The following BCAS3 variants were observed in gnomAD, a reference collection of about 807,000 sequenced individuals.
BCAS3 encodes BCAS3 microtubule associated cell migration factor.
BCAS3 carries 53 observed loss-of-function variants against 116.1 expected under a neutral mutation model. The observed-to-expected ratio is 0.46, with a 90% CI of 0.37 to 0.57. BCAS3 has a LOEUF of 0.57. BCAS3 is among the 20% of genes least tolerant of loss of function. The pLI is 0.00. For missense variants in BCAS3, 917 were observed against 1,165.4 expected (o/e 0.79, Z 3.10); for synonymous variants, 391 against 408.2 (o/e 0.96, Z 0.51).
chr17:61,058,249 T>A (rs1224124899), intron 19 of BCAS3, among the ~76,000 whole-genome samples: 1 of 152,244 alleles, frequency 6.6e-6, no homozygotes, highest in Non-Finnish European at 1.5e-5. Flanking sequence ...TGTCATAGGA[T>A]AGGAGACTTT....
rs2060086296 is a variant in BCAS3 at position 61,390,656 on chromosome 17, G to T, written c.2594-1321G>T. ...GAGTCGGGGTCAGTGGTTCGTTGCT[G>T]GCTGGCTGGTGTTGGCCAGCCCAGG... On this transcript the variant is annotated intron_variant, in intron 23 of 23. Transcript: ENST00000407086. The surrounding 1 kb of genome is among the most constrained non-coding windows in gnomAD (Gnocchi z 6.8). The T allele has an allele frequency of 1.3e-5, 2 of 152,314 alleles. No homozygotes were observed. The highest frequency in any genetic ancestry group is 2.9e-5 in the Non-Finnish European group (2 of 68,128). 9.4% of individuals were successfully genotyped at this position (152,314 alleles called of 1,614,324 possible).
At chr17:60,814,301 G>GCGCGCGCA (rs1568308891) in intron 7 of BCAS3, among the ~76,000 whole-genome samples, 4 of 133,974 alleles carry the variant, frequency 3.0e-5, no homozygotes, top group Non-Finnish European at 5.9e-5. Context: ...GTGTGTGTGT[G>GCGCGCGCA]TGTGTGCGCG....
At chr17:60,949,141 C>CTGGG (rs1485450443) in intron 14 of BCAS3, among the ~76,000 whole-genome samples, 1 of 152,146 alleles carries the variant, frequency 6.6e-6, no homozygotes, top group African/African-American at 2.4e-5. Flanking sequence ...TGCCAAAGTG[C>CTGGG]TGGGATTATA....
chr17:61,126,641 C>T lies in BCAS3; in HGVS notation c.2425+42077C>T, dbSNP rs1341480105. The stretch of plus-strand genomic sequence containing the variant: ...GGAAAAATCAGGATACAATTTGGCA[C>T]TTATGGAGACGAAATGATTTCCTTT... On this transcript the variant is annotated intron_variant, in intron 22 of 23. Coordinates refer to ENST00000407086, the MANE Select transcript of BCAS3 (RefSeq NM_017679.5). The surrounding 1 kb of genome is among the most constrained non-coding windows in gnomAD (Gnocchi z 4.6). 6.6e-6 allele frequency among the ~76,000 whole-genome samples: 1 copy of T among 152,166 alleles called. No individual in the cohort carries two copies. Among genetic ancestry groups the T allele is most frequent in the Admixed American group, 6.5e-5 (1 of 15,274 alleles).
intron 22 of BCAS3, among the ~76,000 whole-genome samples, chr17:61,110,713 G>A (rs868424363): frequency 6.6e-5 from 10 of 151,952 alleles, no homozygotes; most frequent in Admixed American, 2.0e-4. Flanking sequence ...CAAAGCAGCC[G>A]GGAAGCTCCA....
Position 61,063,695 on chromosome 17 carries a change from G to T in BCAS3, c.2030-11225G>T, listed in dbSNP as rs1190727786. ...GCTTTAGGCACCCATTAAGTGAAAA[G>T]TTTGCTCACCTTTAATTTTTCAGTC... On this transcript the variant is annotated intron_variant, in intron 19 of 23. Coordinates refer to ENST00000407086, the MANE Select transcript of BCAS3 (RefSeq NM_017679.5). The surrounding 1 kb of genome is among the most constrained non-coding windows in gnomAD (Gnocchi z 5.3). Among the ~76,000 whole-genome samples the T allele has an allele frequency of 6.6e-6, 1 of 152,176 alleles. No individual in the cohort carries two copies. Among genetic ancestry groups the T allele is most frequent in the Non-Finnish European group, 1.5e-5 (1 of 68,038 alleles).
chr17:61,174,735 A>G (rs950273096), intron 22 of BCAS3, among the ~76,000 whole-genome samples: 1 of 152,232 alleles, frequency 6.6e-6, no homozygotes. Flanking sequence ...TATGATTTCA[A>G]TAATCGCACG....
Position 60,990,505 on chromosome 17 carries a change from A to G in BCAS3, c.1486+270A>G, listed in dbSNP as rs1295209696. ...GAATATAAAACTTGGAACTATTTTT[A>G]TAACTTCAGAGAACTGAACATCCTT... is the stretch of plus-strand genomic sequence containing the variant. On this transcript the variant is annotated intron_variant, in intron 15 of 23. Coordinates refer to ENST00000407086, the MANE Select transcript of BCAS3 (RefSeq NM_017679.5). This position sits in a 1 kb window ranked among gnomAD's most constrained non-coding sequence, Gnocchi z 5.1. Among the ~76,000 whole-genome samples, 1 of 152,224 alleles carries G rather than the reference A, an allele frequency of 6.6e-6. No individual in the cohort carries two copies. Among genetic ancestry groups the G allele is most frequent in the Non-Finnish European group, 1.5e-5 (1 of 68,042 alleles).
intron 22 of BCAS3, among the ~76,000 whole-genome samples, chr17:61,351,628 G>C (rs1182822120): frequency 3.3e-5 from 5 of 152,220 alleles, no homozygotes. Context: ...GCTAGATCGA[G>C]CACAAGTTTC....
chr17:61,264,229 T>C (rs187884352), intron 22 of BCAS3, among the ~76,000 whole-genome samples: 105 of 152,226 alleles, frequency 6.9e-4, no homozygotes, highest in Middle Eastern at 6.8e-3. Context: ...TTCTAGATCT[T>C]GCAGTTCTAC....
intron 13 of BCAS3, among the ~76,000 whole-genome samples, chr17:60,941,373 T>C (rs1183336441): frequency 6.6e-6 from 1 of 152,226 alleles, no homozygotes; most frequent in Non-Finnish European, 1.5e-5. Flanking sequence ...CAGTCTACTC[T>C]GCACAAGTTT....
rs2079206076 is a variant in BCAS3, at chr17:61,177,356, A to G, written c.2425+92792A>G. ...AAACGAATTGGTATTTATCTATAAAATGGAATACTACTCAGCAATAAATAG... is the reference window on the plus strand; with the variant it reads ...AAACGAATTGGTATTTATCTATAAAGTGGAATACTACTCAGCAATAAATAG... On this transcript the variant is annotated intron_variant, in intron 22 of 23. Transcript: ENST00000407086. 3.3e-5 allele frequency among the ~76,000 whole-genome samples: 5 copies of G among 152,244 alleles called. No homozygotes were observed. In the South Asian group the frequency reaches 1.0e-3, roughly 31 times the overall value.
Position 61,130,067 on chromosome 17 carries a change from G to T in BCAS3, c.2425+45503G>T, listed in dbSNP as rs984257261. Among the ~76,000 whole-genome samples the T allele has an allele frequency of 2.6e-5, 4 of 152,336 alleles. No homozygotes were observed. Among genetic ancestry groups the T allele is most frequent in the East Asian group, 1.9e-4 (1 of 5,182 alleles). On this transcript the variant is annotated intron_variant, in intron 22 of 23. Coordinates refer to ENST00000407086, the MANE Select transcript of BCAS3 (RefSeq NM_017679.5). This position sits in a 1 kb window ranked among gnomAD's most constrained non-coding sequence, Gnocchi z 5.0. ...ACACACTGCTTCTGTGACTCAGACA[G>T]CTGGCAGGTCCAAGATAGAGCATAT...
At chr17:61,201,916 G>A (rs1052756766) in intron 22 of BCAS3, among the ~76,000 whole-genome samples, 12 of 151,604 alleles carry the variant, frequency 7.9e-5, no homozygotes, top group Non-Finnish European at 1.5e-4. Flanking sequence ...GTGACACCAC[G>A]CTCGGCTAGT....
At chr17:61,345,262 T>C (rs1472742747) in intron 22 of BCAS3, among the ~76,000 whole-genome samples, 3 of 152,258 alleles carry the variant, frequency 2.0e-5, no homozygotes, top group African/African-American at 7.2e-5. Context: ...CCGCTATGCC[T>C]GACTGGCTGG....
intron 7 of BCAS3, chr17:60,851,403 T>A: frequency 5.0e-6 from 2 of 401,126 alleles, no homozygotes; most frequent in South Asian, 4.0e-5. Context: ...GAAGGTCAGC[T>A]CCACCGAAGG....
At chr17:61,173,813 G>A (rs192506998) in intron 22 of BCAS3, among the ~76,000 whole-genome samples, 37 of 151,842 alleles carry the variant, frequency 2.4e-4, no homozygotes, top group Middle Eastern at 6.9e-3. Flanking sequence ...CCCAGTGGTT[G>A]GAGGTCACAG....
chr17:60,803,385 G>A (rs951462366), intron 6 of BCAS3, among the ~76,000 whole-genome samples: 1 of 152,132 alleles, frequency 6.6e-6, no homozygotes, highest in African/African-American at 2.4e-5. Context: ...ATCAGTTATT[G>A]TGCCTTTTAA....
At position 60,910,572 on chromosome 17, in the gene BCAS3, C is replaced by G. The variant is rs763718039; in HGVS notation, c.863C>G (p.Thr288Ser). 6.2e-7 allele frequency: 1 copy of G among 1,609,494 alleles called. No individual in the cohort carries two copies. The highest frequency in any genetic ancestry group is 1.1e-5 in the South Asian group (1 of 90,440). The change falls in exon 12 of 24, where the codon ACT (threonine) becomes AGT (serine). Residue 288 changes from threonine to serine, a missense_variant. Around this residue, in one of 3 missense-constraint regions of BCAS3, gnomAD observed 807 missense variants for 1,026.0 expected, o/e 0.79. Transcript: ENST00000407086. ...SGLTMVGKVV[T>S]QLTGTLPSGV... ...CTGACAATGGTAGGGAAAGTGGTGA[C>G]TCAGCTGACAGGCACACTGCCTTCA... is the stretch of plus-strand genomic sequence containing the variant.
Sources: gnomAD v4.1 joint callset for allele counts (sites outside exome capture counted in the v4.1 genomes callset) on GRCh38, gnomAD v4.1.1 for gene constraint, gnomAD v4.1.1 regional missense constraint, Gnocchi (gnomAD v3.1) non-coding constraint, MANE v1.5 for transcripts, NCBI Gene and HGNC (gene_info 2026-07-23, HGNC 2026-07-21) for gene names.